Variants in AHRR observed in about 807,000 individuals in gnomAD.
AHRR encodes the protein ahR repressor.
Under a neutral mutation model 44.0 loss-of-function variants are expected in AHRR, and 28 were observed. The observed-to-expected ratio is 0.64, with a 90% CI of 0.47 to 0.87. AHRR has a LOEUF of 0.87. Ranked by LOEUF, AHRR falls within the 40% of genes least tolerant of loss-of-function variation. The pLI is 0.00. For missense variants in AHRR, 990 were observed against 953.9 expected, an observed-to-expected ratio of 1.04 and a Z score of -0.50; for synonymous variants, 434 against 407.0, an observed-to-expected ratio of 1.07 and a Z score of -0.80.
chr5:427,984 A>G lies in AHRR; in HGVS notation c.886A>G (p.Thr296Ala), dbSNP rs1459837874. 52 of 1,613,882 alleles carry G rather than the reference A, an allele frequency of 3.2e-5. No individual in the cohort carries two copies. The highest frequency in any genetic ancestry group is 4.0e-5 in the Non-Finnish European group (47 of 1,180,012). ...CCTGAGGGCAAAACCCAGAGCAGAC[A>G]CCGCAGCCACCGCGGATGCAAAGTG... ...ALLRAKPRAD[T>A]AATADAKVKA... Residue 296 changes from threonine to alanine, a missense_variant, in exon 8 of 11, where the codon ACC becomes GCC. Coordinates refer to ENST00000684583, the MANE Select transcript of AHRR (RefSeq NM_001377236.1).
chr5:345,570 G>A (rs1277107620), intron 2 of AHRR, among the ~76,000 whole-genome samples: 2 of 149,314 alleles, frequency 1.3e-5, no homozygotes, highest in Non-Finnish European at 3.0e-5. Flanking sequence ...GGGGATGTGT[G>A]GGTGTGTGTG....
chr5:428,983 C>T (rs146854956), intron 8 of AHRR, among the ~76,000 whole-genome samples: 118 of 152,358 alleles, frequency 7.7e-4, no homozygotes, highest in African/African-American at 2.5e-3. Flanking sequence ...CACTCGCTTG[C>T]GCAGGGCCCA....
At chr5:428,285 C>T (rs537923600) in intron 8 of AHRR, among the ~76,000 whole-genome samples, 18 of 152,372 alleles carry the variant, frequency 1.2e-4, no homozygotes, top group Non-Finnish European at 1.9e-4. Context: ...GTCCTGACCC[C>T]GTGTCCTCAA....
intron 4 of AHRR, among the ~76,000 whole-genome samples, chr5:391,272 G>C (rs1422238602): frequency 3.3e-5 from 5 of 151,962 alleles, no homozygotes; most frequent in Admixed American, 2.6e-4. Context: ...TGCGGGGGGA[G>C]CTGAGGGCAG....
At chr5:344,195 G>A (rs1012782174) in intron 2 of AHRR, among the ~76,000 whole-genome samples, 27 of 151,064 alleles carry the variant, frequency 1.8e-4, no homozygotes, top group Admixed American at 7.2e-4. Flanking sequence ...GGCCCTGAGC[G>A]GTGGAGCGAG....
At chr5:375,819 C>T (rs529805605) in intron 3 of AHRR, among the ~76,000 whole-genome samples, 6 of 152,286 alleles carry the variant, frequency 3.9e-5, no homozygotes, top group Admixed American at 3.9e-4. Context: ...ACTGAGTGGG[C>T]AGTGAGCACC....
rs1007081978 is a variant in AHRR, at chr5:388,270, C to G, written c.351+11554C>G. On this transcript the variant is annotated intron_variant, in intron 4 of 10. Transcript: ENST00000684583. This position sits in a 1 kb window ranked among gnomAD's most constrained non-coding sequence, Gnocchi z 5.2. ...TGGGGCAGAAACTCAGGCCTCCCCC[C>G]GTCCCGAACCCAAGCCCTGAACTGC... is the stretch of plus-strand genomic sequence containing the variant. Among the ~76,000 whole-genome samples the G allele has an allele frequency of 4.5e-4, 68 of 152,308 alleles. No homozygotes were observed. Among genetic ancestry groups the G allele is most frequent in the Non-Finnish European group, 5.7e-4 (39 of 68,030 alleles).
chr5:413,261 A>C (rs1397783052), intron 4 of AHRR, 83 bp from the exon 5 acceptor site: 1 of 1,019,610 alleles, frequency 9.8e-7, no homozygotes, highest in African/African-American at 1.6e-5. Flanking sequence ...GAAATTGTTG[A>C]AAATTTAAGC....
intron 4 of AHRR, among the ~76,000 whole-genome samples, chr5:409,850 C>T (rs1018331798): frequency 6.6e-6 from 1 of 152,176 alleles, no homozygotes; most frequent in Non-Finnish European, 1.5e-5. Flanking sequence ...CTACCTACCT[C>T]AGACTCATTA....
At chr5:354,914 G>A (rs1742988000) in intron 3 of AHRR, among the ~76,000 whole-genome samples, 2 of 152,284 alleles carry the variant, frequency 1.3e-5, no homozygotes, top group Admixed American at 6.5e-5. Context: ...GGAAAGTCAC[G>A]GTGATGCCCA....
rs1735152071 is a variant in AHRR at position 404,090 on chromosome 5, C to T, written c.352-9254C>T. ...CCAGCGTTTGAAGAAAAAGTCAGTT[C>T]CGTTGTCAGGGTTGGTCCAGGTTTG... On this transcript the variant is annotated intron_variant, in intron 4 of 10. Transcript: ENST00000684583. This position sits in a 1 kb window ranked among gnomAD's most constrained non-coding sequence, Gnocchi z 4.1. 1 of 626,526 alleles carries T rather than the reference C, an allele frequency of 1.6e-6. No homozygotes were observed. Among genetic ancestry groups the T allele is most frequent in the South Asian group, 1.5e-5 (1 of 65,084 alleles). The allele number at this position is 626,526 out of a possible 1,614,324, so 38.8% of individuals were successfully genotyped here.
Position 437,673 on chromosome 5 carries a change from T to A in AHRR, c.*2839T>A, listed in dbSNP as rs6863882. On this transcript the variant is annotated 3_prime_UTR_variant, in exon 11 of 11. Coordinates refer to ENST00000684583, the MANE Select transcript of AHRR (RefSeq NM_001377236.1). ...GGCCCTCCTGGTGACAGGTGCCAGATTGAGTGGTGGGTTGCTGCCAGGCAG... is the reference window on the plus strand; with the variant it reads ...GGCCCTCCTGGTGACAGGTGCCAGAATGAGTGGTGGGTTGCTGCCAGGCAG... The A allele has an allele frequency of 4.8e-4, 73 of 152,508 alleles. No individual in the cohort carries two copies. The highest frequency in any genetic ancestry group is 1.7e-3 in the African/African-American group (71 of 41,574). 9.4% of individuals were successfully genotyped at this position (152,508 alleles called of 1,614,324 possible). A position where few individuals can be genotyped will look rare whatever the true frequency, so the allele number is the denominator to read the frequency against.
At chr5:369,617 G>GGC (rs1229282997) in intron 3 of AHRR, among the ~76,000 whole-genome samples, 2 of 152,196 alleles carry the variant, frequency 1.3e-5, no homozygotes, top group Non-Finnish European at 2.9e-5. Flanking sequence ...CCACTGGGGA[G>GGC]AGCTGTGCTT....
chr5:398,532 G>C (rs2561674), intron 4 of AHRR, among the ~76,000 whole-genome samples: 2,039 of 152,278 alleles, frequency 0.013, 53 homozygotes, highest in African/African-American at 0.048. Flanking sequence ...CTCTGCCCTC[G>C]GCTCAGCTGG....
At position 376,646 on chromosome 5, in the gene AHRR, G is replaced by A. The variant is rs1226273864; in HGVS notation, c.281G>A (p.Gly94Asp). Residue 94 changes from glycine to aspartate, a missense_variant, in exon 4 of 11, where the codon GGC becomes GAC. Coordinates refer to ENST00000684583, the MANE Select transcript of AHRR (RefSeq NM_001377236.1). ...CAGAGCTCACGGCAGCCTGCGGCCG[G>A]CGCCCCCTCGCCCGGAGACAGCTGT... ...QEQSSRQPAAGAPSPGDSCPL... is the reference protein window; with the variant it reads ...QEQSSRQPAADAPSPGDSCPL... 8.6e-7 allele frequency: 1 copy of A among 1,163,594 alleles called. No homozygotes were observed. Among genetic ancestry groups the A allele is most frequent in the African/African-American group, 2.3e-5 (1 of 43,390 alleles). The allele number at this position is 1,163,594 out of a possible 1,614,324, so 72.1% of individuals were successfully genotyped here.
rs1212701456 is a variant in AHRR, at chr5:432,517, C to T, written c.963C>T (p.Tyr321=). The T allele has an allele frequency of 7.4e-6, 12 of 1,614,068 alleles. No homozygotes were observed. Among genetic ancestry groups the T allele is most frequent in the Non-Finnish European group, 1.0e-5 (12 of 1,179,884 alleles). Residue 321 remains tyrosine, a synonymous_variant, in exon 9 of 11, where the codon TAC becomes TAT. Transcript: ENST00000684583. ...CESELHGKPN[Y]SAGRSSRESG... is the part of the protein sequence containing the mutation. ...CGGAACTGCATGGAAAACCCAATTA[C>T]TCAGCAGGTACTTAGAACATTTCTT...
In AHRR at chr5:395,937, G is replaced by A. The variant is rs947739586; in HGVS notation, c.352-17407G>A. 6.6e-6 allele frequency among the ~76,000 whole-genome samples: 1 copy of A among 152,206 alleles called. No individual in the cohort carries two copies. The highest frequency in any genetic ancestry group is 2.4e-5 in the African/African-American group (1 of 41,460). On this transcript the variant is annotated intron_variant, in intron 4 of 10. Transcript: ENST00000684583. The surrounding 1 kb of genome is among the most constrained non-coding windows in gnomAD (Gnocchi z 5.3). ...CCTGGCTCTAAGGGGCTCCTGGTAC[G>A]AGGATTAGGAGGCCATGGGTCGTCC...
intron 4 of AHRR, among the ~76,000 whole-genome samples, chr5:410,531 C>T (rs1281247596): frequency 2.8e-5 from 4 of 145,290 alleles, no homozygotes; most frequent in African/African-American, 1.0e-4. Context: ...TTAGAATCAG[C>T]TTGTCGCTTT....
chr5:408,221 C>T (rs571377705), intron 4 of AHRR, among the ~76,000 whole-genome samples: 2 of 152,366 alleles, frequency 1.3e-5, no homozygotes, highest in East Asian at 3.9e-4. Context: ...GCCAGGGTTG[C>T]ACCCCTTGTA....
Sources: allele counts gnomAD v4.1 joint callset (sites outside exome capture counted in the v4.1 genomes callset), GRCh38; gene constraint gnomAD v4.1.1; non-coding constraint Gnocchi (gnomAD v3.1); transcripts MANE v1.5; gene names NCBI Gene and HGNC (gene_info 2026-07-23, HGNC 2026-07-21).